Variants in ATP2A3 observed in about 807,000 individuals in gnomAD.
ATP2A3 encodes ATPase sarcoplasmic/endoplasmic reticulum Ca2+ transporting 3, also known as sarcoplasmic/endoplasmic reticulum calcium ATPase 3.
Under a neutral mutation model 106.8 loss-of-function variants are expected in ATP2A3, and 61 were observed. The observed-to-expected ratio is 0.57, with a 90% confidence interval of 0.46 to 0.71. The LOEUF (loss-of-function observed/expected upper bound fraction) is 0.71. ATP2A3 is among the 30% of genes least tolerant of loss of function. The pLI is 0.00. For missense variants in ATP2A3, 1,201 were observed against 1,423.5 expected (o/e 0.84, Z 2.52); for synonymous variants, 611 against 609.3 (o/e 1.00, Z -0.04).
In ATP2A3 at chr17:3,935,269, C is replaced by G; in HGVS notation, c.2533G>C (p.Gly845Arg). Residue 845 changes from glycine to arginine, a missense_variant, in exon 17 of 21, where the codon GGC becomes CGC. By Grantham distance (125) the Gly-to-Arg change is moderately radical. Transcript: ENST00000397041. ...FRYLAIGVYV[G>R]LATVAAATWW... ...GTGGCGGCAGCCACTGTGGCCAGGCCTACGTACACTGCGGGGAAGGGAGGA... is the reference window on the plus strand; with the variant it reads ...GTGGCGGCAGCCACTGTGGCCAGGCGTACGTACACTGCGGGGAAGGGAGGA... The G allele has an allele frequency of 5.0e-6, 8 of 1,613,708 alleles. No homozygotes were observed. The highest frequency in any genetic ancestry group is 6.8e-6 in the Non-Finnish European group (8 of 1,179,994).
In ATP2A3 at chr17:3,936,448, C is replaced by G. The variant is rs1360044379; in HGVS notation, c.2343G>C (p.Leu781=). 6.2e-7 allele frequency: 1 copy of G among 1,613,942 alleles called. No individual in the cohort carries two copies. Among genetic ancestry groups the G allele is most frequent in the Non-Finnish European group, 8.5e-7 (1 of 1,180,024 alleles). The stretch of plus-strand genomic sequence containing the variant: ...CAGGGATCAGGGCTTCGGGCAGGCC[C>G]AGAATTGCCGTGAGGAAGATGCTGG... ...EVVCIFLTAI[L]GLPEALIPVQ... The change falls in exon 16 of 21, where the codon CTG becomes CTC. Residue 781 remains leucine, a synonymous_variant. Coordinates refer to ENST00000397041, the MANE Select transcript of ATP2A3 (RefSeq NM_005173.4). This position sits in a 1 kb window ranked among gnomAD's most constrained non-coding sequence, Gnocchi z 5.4.
At chr17:3,952,830 G>A (rs1234277092) in intron 3 of ATP2A3, among the ~76,000 whole-genome samples, 3 of 152,166 alleles carry the variant, frequency 2.0e-5, no homozygotes, top group South Asian at 2.1e-4. Context: ...GGGCTCAAGC[G>A]ATTTTATTGC....
At chr17:3,940,576 C>T (rs8080901) in intron 14 of ATP2A3, among the ~76,000 whole-genome samples, 7,002 of 152,230 alleles carry the variant, frequency 0.046, 501 homozygotes, top group African/African-American at 0.15. Context: ...GGCGTGATCT[C>T]GGCTCACTGC....
At chr17:3,933,091 G>A (rs2053207077) in intron 17 of ATP2A3, among the ~76,000 whole-genome samples, 1 of 151,532 alleles carries the variant, frequency 6.6e-6, no homozygotes, top group Non-Finnish European at 1.5e-5. Flanking sequence ...AGACCAGCCT[G>A]GCCAACATGG....
intron 17 of ATP2A3, chr17:3,934,861 C>T: frequency 3.0e-6 from 1 of 338,332 alleles, no homozygotes; most frequent in Non-Finnish European, 5.8e-6. Context: ...TGACCCTCTG[C>T]CTAAAGTCCC....
At chr17:3,927,029 C>T in intron 20 of ATP2A3, 2 of 985,486 alleles carry the variant, frequency 2.0e-6, no homozygotes, top group Non-Finnish European at 2.4e-6. Flanking sequence ...CTCTGCCCTG[C>T]ATGCTGAGTG....
rs57648128 is a variant in ATP2A3, at chr17:3,936,721, TACACACACACACACACAC to T, written c.2322-270_2322-253del. The T allele has an allele frequency of 2.2e-5, 9 of 408,356 alleles. No homozygotes were observed. The highest frequency in any genetic ancestry group is 4.1e-5 in the Non-Finnish European group (9 of 217,074). 25.3% of individuals were successfully genotyped at this position (408,356 alleles called of 1,614,324 possible). The stretch of plus-strand genomic sequence containing the variant: ...CTCTTTAGGCCTAGCAGAGGCCAAG[TACACACACACACACACAC>T]ACACACACACACACACGCACACGAA... On this transcript the variant is annotated intron_variant, in intron 15 of 20. Transcript: ENST00000397041. This position sits in a 1 kb window ranked among gnomAD's most constrained non-coding sequence, Gnocchi z 5.4.
chr17:3,951,330 C>T lies in ATP2A3; in HGVS notation c.384G>A (p.Lys128=). 6.2e-7 allele frequency: 1 copy of T among 1,613,846 alleles called. No individual in the cohort carries two copies. Among genetic ancestry groups the T allele is most frequent in the East Asian group, 2.2e-5 (1 of 44,882 alleles). ...ALKEYEPEMG[K]VIRSDRKGVQ... is the part of the protein sequence containing the mutation. ...CGCCCTTGCGGTCCGAGCGGATCAC[C>T]TTGCCCATCTCAGGCTCATACTCCT... The change falls in exon 5 of 21, where the codon AAG becomes AAA. Residue 128 remains lysine, a synonymous_variant. Transcript: ENST00000397041.
chr17:3,931,590 C>T lies in ATP2A3; in HGVS notation c.2611-1156G>A, dbSNP rs574877727. Among the ~76,000 whole-genome samples, 155 of 150,210 alleles carry T rather than the reference C, an allele frequency of 1.0e-3. 1 individual carries two copies. The highest frequency in any genetic ancestry group is 1.7e-3 in the Non-Finnish European group (116 of 67,592). On this transcript the variant is annotated intron_variant, in intron 17 of 20. Coordinates refer to ENST00000397041, the MANE Select transcript of ATP2A3 (RefSeq NM_005173.4). ...GAGCTGGAGTGCAGTGGCATGATCTCGGCTCACTGCAAGCTCCGCCTCCCG... is the reference window on the plus strand; with the variant it reads ...GAGCTGGAGTGCAGTGGCATGATCTTGGCTCACTGCAAGCTCCGCCTCCCG...
In ATP2A3 at chr17:3,928,021, G is replaced by A. The variant is rs757758586; in HGVS notation, c.2980+642C>T. On this transcript the variant is annotated intron_variant, in intron 20 of 20. Coordinates refer to ENST00000397041, the MANE Select transcript of ATP2A3 (RefSeq NM_005173.4). This position sits in a 1 kb window ranked among gnomAD's most constrained non-coding sequence, Gnocchi z 6.1. ...CTCTGAGCAGCTCTGACAGCGAGAC[G>A]ATGCTGTGTCCCTGGCCCTTGGAAG... 62 of 1,613,942 alleles carry A rather than the reference G, an allele frequency of 3.8e-5. No homozygotes were observed. Among genetic ancestry groups the A allele is most frequent in the Admixed American group, 5.0e-5 (3 of 59,992 alleles).
rs959354965 is a variant in ATP2A3 at position 3,942,749 on chromosome 17, G to T, written c.1420-18C>A. ...TTGATGACCTGCGGGGTCCAGGCAG[G>T]TCAGGGCATGAAGGACAGAGCCAGC... On this transcript the variant is annotated intron_variant, in intron 11 of 20. Coordinates refer to ENST00000397041, the MANE Select transcript of ATP2A3 (RefSeq NM_005173.4). 1.2e-6 allele frequency: 2 copies of T among 1,611,230 alleles called. No individual in the cohort carries two copies. The highest frequency in any genetic ancestry group is 1.6e-4 in the Middle Eastern group (1 of 6,062).
At chr17:3,958,999 C>T (rs1474558467) in intron 1 of ATP2A3, among the ~76,000 whole-genome samples, 2 of 151,582 alleles carry the variant, frequency 1.3e-5, no homozygotes, top group Non-Finnish European at 2.9e-5. Flanking sequence ...TCAAGCGATT[C>T]TCCTGCCTCA....
At chr17:3,951,560 C>T in intron 4 of ATP2A3, 21 bp downstream of exon 4, 2 of 766,474 alleles carry the variant, frequency 2.6e-6, no homozygotes, top group South Asian at 1.5e-5. Context: ...CCCGCCCGGT[C>T]CCACCCCCAG....
chr17:3,959,683 G>C (rs2055030376), intron 1 of ATP2A3, among the ~76,000 whole-genome samples: 1 of 152,252 alleles, frequency 6.6e-6, no homozygotes, highest in Admixed American at 6.5e-5. Flanking sequence ...ATCGTCACTT[G>C]CAGAGTCAGG....
intron 14 of ATP2A3, among the ~76,000 whole-genome samples, chr17:3,940,058 T>TTTTTTTTTTG: frequency 7.1e-6 from 1 of 141,518 alleles, no homozygotes; most frequent in African/African-American, 2.8e-5. Flanking sequence ...TTGTTTTTTT[T>TTTTTTTTTTG]TTTTTTGGAG....
At position 3,929,677 on chromosome 17, in the gene ATP2A3, G is replaced by A. The variant is rs912304128; in HGVS notation, c.2745-232C>T. Among the ~76,000 whole-genome samples, 1 of 152,034 alleles carries A rather than the reference G, an allele frequency of 6.6e-6. No individual in the cohort carries two copies. Among genetic ancestry groups the A allele is most frequent in the Non-Finnish European group, 1.5e-5 (1 of 67,998 alleles). On this transcript the variant is annotated intron_variant, in intron 18 of 20. Coordinates refer to ENST00000397041, the MANE Select transcript of ATP2A3 (RefSeq NM_005173.4). This position sits in a 1 kb window ranked among gnomAD's most constrained non-coding sequence, Gnocchi z 4.3. ...TCTTTGTCTCCTGGGCCCCAATTCCGGTCCCCATGAACTCTCAGAATCCTC... is the reference window on the plus strand; with the variant it reads ...TCTTTGTCTCCTGGGCCCCAATTCCAGTCCCCATGAACTCTCAGAATCCTC...
chr17:3,962,875 G>A (rs1451007950), intron 1 of ATP2A3, among the ~76,000 whole-genome samples: 1 of 152,126 alleles, frequency 6.6e-6, no homozygotes, highest in Non-Finnish European at 1.5e-5. Context: ...GCCTGCGCCG[G>A]CCCTCGCCCC....
Position 3,944,808 on chromosome 17 carries a change from T to G in ATP2A3, c.1185-2A>C, listed in dbSNP as rs1284984742. On this transcript the variant is annotated splice_acceptor_variant, in intron 9 of 20. Coordinates refer to ENST00000397041, the MANE Select transcript of ATP2A3 (RefSeq NM_005173.4). LOFTEE classifies it high-confidence loss of function. ...CGCACAGGCTGATCCCCCTGCCGCC[T>G]GCGGAGCCGGGGCGGTCACCAGGAG... is the stretch of plus-strand genomic sequence containing the variant. 1 of 1,607,276 alleles carries G rather than the reference T, an allele frequency of 6.2e-7. No homozygotes were observed. Among genetic ancestry groups the G allele is most frequent in the Non-Finnish European group, 8.5e-7 (1 of 1,176,992 alleles).
intron 1 of ATP2A3, among the ~76,000 whole-genome samples, chr17:3,960,796 T>A (rs1326047954): frequency 1.3e-5 from 2 of 152,144 alleles, no homozygotes; most frequent in African/African-American, 2.4e-5. Context: ...AGAAGTTTAG[T>A]GACAGCTGAC....
Sources: gnomAD v4.1 joint callset for allele counts (sites outside exome capture counted in the v4.1 genomes callset) on GRCh38, gnomAD v4.1.1 for gene constraint, Gnocchi (gnomAD v3.1) non-coding constraint, MANE v1.5 for transcripts, NCBI Gene and HGNC (gene_info 2026-07-23, HGNC 2026-07-21) for gene names.